The following FOXJ3 variants were observed in gnomAD, a reference collection of about 807,000 sequenced individuals.
FOXJ3 encodes the protein forkhead box J3, also known as forkhead box protein J3.
In FOXJ3, 22 loss-of-function variants were observed where a neutral mutation model predicts 76.1. That is an observed-to-expected ratio of 0.29 (90% CI 0.21 to 0.41). The LOEUF is 0.41. Ranked by LOEUF, FOXJ3 falls within the 10% of genes least tolerant of loss-of-function variation. The pLI, the probability that FOXJ3 is intolerant of heterozygous loss-of-function variation, is 1.00. For synonymous variants in FOXJ3, 269 were observed against 261.2 expected (o/e 1.03, Z -0.29); for missense variants, 613 against 762.1 (o/e 0.80, Z 2.30).
chr1:42,191,852 C>T, intron 8 of FOXJ3, 133 bp from the exon 9 acceptor site: 1 of 870,310 alleles, frequency 1.1e-6, no homozygotes, highest in Admixed American at 2.5e-5. Context: ...AGTGTTAATC[C>T]AACATCCACT....
At chr1:42,186,974 G>A (rs1048201722) in intron 11 of FOXJ3, among the ~76,000 whole-genome samples, 2 of 152,026 alleles carry the variant, frequency 1.3e-5, no homozygotes, top group Admixed American at 6.5e-5. Context: ...CAACCTCCCG[G>A]GTGGCTGGGA....
chr1:42,283,351 T>C (rs76594896), intron 2 of FOXJ3, among the ~76,000 whole-genome samples: 3,560 of 152,250 alleles, frequency 0.023, 143 homozygotes, highest in African/African-American at 0.082. Context: ...AACTGAGTCA[T>C]AACACGGGGG....
chr1:42,212,890 C>T (rs1243741877), intron 5 of FOXJ3, among the ~76,000 whole-genome samples: 1 of 141,682 alleles, frequency 7.1e-6, no homozygotes, highest in Non-Finnish European at 1.5e-5. Context: ...CCTTACAAGC[C>T]AGAGGGCTTG....
At chr1:42,334,896 C>T (rs2124804509) in intron 1 of FOXJ3, 163 bp downstream of exon 1, 1 of 152,420 alleles carries the variant, frequency 6.6e-6, no homozygotes, top group African/African-American at 2.4e-5. Context: ...CAGCCGGGGC[C>T]CAGGCCCCCT....
intron 2 of FOXJ3, among the ~76,000 whole-genome samples, chr1:42,292,858 T>C (rs1653531786): frequency 6.6e-6 from 1 of 152,216 alleles, no homozygotes; most frequent in Admixed American, 6.5e-5. Context: ...CCCAGCACTT[T>C]GGGAGGCTAA....
chr1:42,242,582 A>G (rs1649231446), intron 4 of FOXJ3, among the ~76,000 whole-genome samples: 1 of 143,184 alleles, frequency 7.0e-6, no homozygotes, highest in African/African-American at 2.6e-5. Context: ...AAAAAAAAAA[A>G]GAATGAAAGA....
chr1:42,272,020 G>C, intron 3 of FOXJ3, among the ~76,000 whole-genome samples: 1 of 152,114 alleles, frequency 6.6e-6, no homozygotes, highest in East Asian at 1.9e-4. Flanking sequence ...TATCCAAAGA[G>C]GTATTTTTAA....
intron 5 of FOXJ3, among the ~76,000 whole-genome samples, chr1:42,226,541 G>A (rs1423766961): frequency 1.3e-5 from 2 of 152,124 alleles, no homozygotes; most frequent in East Asian, 3.9e-4. Flanking sequence ...CACAGGAGGT[G>A]GGGTTGCAGT....
chr1:42,266,134 G>A (rs1170942144), intron 3 of FOXJ3, among the ~76,000 whole-genome samples: 3 of 151,998 alleles, frequency 2.0e-5, no homozygotes, highest in Non-Finnish European at 2.9e-5. Context: ...CATAATATCT[G>A]CTTTATTGTT....
chr1:42,263,428 T>C (rs968309798), intron 4 of FOXJ3, among the ~76,000 whole-genome samples: 7 of 152,226 alleles, frequency 4.6e-5, no homozygotes, highest in African/African-American at 1.4e-4. Flanking sequence ...TTCAGTCTGA[T>C]TCATATATAC....
At chr1:42,237,314 G>A (rs755168814) in intron 4 of FOXJ3, among the ~76,000 whole-genome samples, 21 of 151,264 alleles carry the variant, frequency 1.4e-4, no homozygotes, top group Non-Finnish European at 2.2e-4. Context: ...GGCGGTGCTT[G>A]CAGTGAGCAG....
At chr1:42,281,915 TG>T (rs1652745649) in intron 2 of FOXJ3, among the ~76,000 whole-genome samples, 1 of 151,960 alleles carries the variant, frequency 6.6e-6, no homozygotes, top group African/African-American at 2.4e-5. Flanking sequence ...AAAAATTAGC[TG>T]GATGTGGTGG....
At chr1:42,215,583 A>G (rs1647048697) in intron 5 of FOXJ3, among the ~76,000 whole-genome samples, 1 of 152,216 alleles carries the variant, frequency 6.6e-6, no homozygotes, top group Non-Finnish European at 1.5e-5. Context: ...AAATTTAGTA[A>G]AAGACAAATT....
At chr1:42,284,068 G>A (rs893841887) in intron 2 of FOXJ3, among the ~76,000 whole-genome samples, 2 of 152,080 alleles carry the variant, frequency 1.3e-5, no homozygotes, top group African/African-American at 4.8e-5. Context: ...TTGTGAAGCT[G>A]CCATCCCAGC....
intron 9 of FOXJ3, among the ~76,000 whole-genome samples, chr1:42,190,493 C>T (rs535299237): frequency 5.9e-5 from 9 of 152,274 alleles, no homozygotes; most frequent in East Asian, 5.8e-4. Flanking sequence ...AAATGAGCCA[C>T]GAACATGCAA....
intron 8 of FOXJ3, among the ~76,000 whole-genome samples, chr1:42,193,774 G>A (rs1231591188): frequency 6.6e-6 from 1 of 152,124 alleles, no homozygotes; most frequent in African/African-American, 2.4e-5. Context: ...GAGTTGGGGT[G>A]CCACAGTTTG....
intron 4 of FOXJ3, among the ~76,000 whole-genome samples, chr1:42,263,557 T>A (rs540173568): frequency 6.6e-6 from 1 of 152,264 alleles, no homozygotes; most frequent in East Asian, 1.9e-4. Flanking sequence ...AATCTCAAAG[T>A]TAAAAACATA....
intron 5 of FOXJ3, among the ~76,000 whole-genome samples, chr1:42,215,041 C>A (rs1647038343): frequency 2.0e-5 from 3 of 152,078 alleles, no homozygotes; most frequent in Admixed American, 2.0e-4. Flanking sequence ...TATTATAGAA[C>A]CCAGAGTCTA....
intron 1 of FOXJ3, among the ~76,000 whole-genome samples, chr1:42,312,466 A>G (rs536227258): frequency 1.8e-3 from 267 of 152,368 alleles, no homozygotes; most frequent in Non-Finnish European, 3.0e-3. Context: ...TCTAATAATT[A>G]TCCCTGCATA....
Sources: allele counts gnomAD v4.1 joint callset (sites outside exome capture counted in the v4.1 genomes callset), GRCh38; gene constraint gnomAD v4.1.1; transcripts MANE v1.5; gene names NCBI Gene and HGNC (gene_info 2026-07-23, HGNC 2026-07-21).